Variants in UBASH3A observed in about 807,000 individuals in gnomAD.
UBASH3A encodes ubiquitin-associated and SH3 domain-containing protein A.
A neutral mutation model predicts 73.5 loss-of-function variants in UBASH3A; 63 were observed. The observed-to-expected ratio is 0.86, with a 90% CI of 0.70 to 1.06. The LOEUF (loss-of-function observed/expected upper bound fraction) is 1.06. Ranked by LOEUF, UBASH3A falls within the 50% of genes least tolerant of loss-of-function variation. The probability of loss-of-function intolerance (pLI) is 0.00; values close to 1 mark genes in which losing one functional copy is unlikely to be tolerated. For missense variants in UBASH3A, 860 were observed against 859.0 expected, an observed-to-expected ratio of 1.00 and a Z score of -0.02; for synonymous variants, 363 against 351.1, an observed-to-expected ratio of 1.03 and a Z score of -0.38.
intron 1 of UBASH3A, among the ~76,000 whole-genome samples, chr21:42,404,655 G>C (rs551716485): frequency 6.6e-6 from 1 of 152,184 alleles, no homozygotes; most frequent in African/African-American, 2.4e-5. Flanking sequence ...AAACTCTAAC[G>C]TGAAAGGCCC....
intron 6 of UBASH3A, among the ~76,000 whole-genome samples, chr21:42,418,002 G>C (rs540203549): frequency 1.4e-5 from 2 of 146,158 alleles, no homozygotes; most frequent in South Asian, 4.4e-4. Context: ...CCTGCCTCAA[G>C]CTTCCCAAGT....
rs558360287 is a variant in UBASH3A at position 42,418,974 on chromosome 21, A to G, written c.1046+365A>G. ...ATGTAAAGTCCTAGGTCGTATTATT[A>G]GTTTTCTATGACTGTATAATAAATT... is the stretch of plus-strand genomic sequence containing the variant. On this transcript the variant is annotated intron_variant, in intron 7 of 14. Transcript: ENST00000319294. Among the ~76,000 whole-genome samples, 11 of 152,306 alleles carry G rather than the reference A, an allele frequency of 7.2e-5. No homozygotes were observed. In the South Asian group the frequency reaches 2.3e-3, roughly 32 times the overall value.
At chr21:42,439,929 CACAT>C (rs759921480) in intron 11 of UBASH3A, among the ~76,000 whole-genome samples, 8 of 144,754 alleles carry the variant, frequency 5.5e-5, no homozygotes, top group African/African-American at 1.0e-4. Context: ...ACACACCACA[CACAT>C]ACACACACCA....
At position 42,442,500 on chromosome 21, in the gene UBASH3A, T is replaced by A; in HGVS notation, c.1535T>A (p.Phe512Tyr). ...KIKIRVEPGI[F>Y]EWTKWEAGKT... is the part of the protein sequence containing the mutation. The stretch of plus-strand genomic sequence containing the variant: ...AAGATACGAGTGGAACCTGGAATCT[T>A]TGAATGGACAAAATGGGAAGCTGGC... Residue 512 changes from phenylalanine (F) to tyrosine (Y), a missense_variant, in exon 12 of 15, where the codon TTT (phenylalanine) becomes TAT (tyrosine). Coordinates refer to ENST00000319294, the MANE Select transcript of UBASH3A (RefSeq NM_018961.4). 2 of 1,614,100 alleles carry A rather than the reference T, an allele frequency of 1.2e-6. No individual in the cohort carries two copies. The highest frequency in any genetic ancestry group is 2.2e-5 in the South Asian group (2 of 91,066).
At chr21:42,446,599 T>C (rs978618860) in intron 14 of UBASH3A, among the ~76,000 whole-genome samples, 2 of 152,258 alleles carry the variant, frequency 1.3e-5, no homozygotes, top group Non-Finnish European at 2.9e-5. Context: ...GATGAAGGGA[T>C]GGAGGTCTAA....
At chr21:42,431,104 C>G (rs2053520544) in intron 8 of UBASH3A, among the ~76,000 whole-genome samples, 1 of 152,168 alleles carries the variant, frequency 6.6e-6, no homozygotes, top group Non-Finnish European at 1.5e-5. Context: ...CTCTCTGGTC[C>G]CAGGGGGGGC....
chr21:42,420,120 A>G (rs1296582490), intron 7 of UBASH3A, among the ~76,000 whole-genome samples: 1 of 152,202 alleles, frequency 6.6e-6, no homozygotes, highest in African/African-American at 2.4e-5. Flanking sequence ...CATACAATAT[A>G]TAATACATAT....
At chr21:42,407,994 A>T (rs2053012937) in intron 2 of UBASH3A, among the ~76,000 whole-genome samples, 3 of 152,266 alleles carry the variant, frequency 2.0e-5, no homozygotes. Flanking sequence ...TGGTAGAGGA[A>T]AAATGCCAGT....
In UBASH3A at chr21:42,427,142, C is replaced by T. The variant is rs144929559; in HGVS notation, c.1170+322C>T. 2.7e-3 allele frequency among the ~76,000 whole-genome samples: 407 copies of T among 152,294 alleles called. 1 individual carries two copies. Among genetic ancestry groups the T allele is most frequent in the African/African-American group, 8.2e-3 (339 of 41,564 alleles). ...GAGGTCCCCAAGACGTCACCTGCCC[C>T]GGTGCCTTGGCCCCTCATCTTTTGA... On this transcript the variant is annotated intron_variant, in intron 8 of 14. Transcript: ENST00000319294.
intron 3 of UBASH3A, 126 bp from the exon 4 acceptor site, chr21:42,412,898 T>G: frequency 1.2e-6 from 1 of 847,220 alleles, no homozygotes; most frequent in East Asian, 2.4e-5. Context: ...ACGCAATAAA[T>G]TATGTTACAG....
At chr21:42,416,953 C>T (rs556922793) in intron 6 of UBASH3A, among the ~76,000 whole-genome samples, 1 of 151,664 alleles carries the variant, frequency 6.6e-6, no homozygotes, top group South Asian at 2.1e-4. Context: ...GATGAGTGAA[C>T]GGCCACTCAC....
intron 1 of UBASH3A, 38 bp from the exon 2 acceptor site, chr21:42,406,270 G>T: frequency 6.3e-7 from 1 of 1,594,182 alleles, no homozygotes; most frequent in Non-Finnish European, 8.6e-7. Context: ...CCCAAGAATG[G>T]GCGACGTGAC....
chr21:42,422,888 C>T (rs1414674143), intron 7 of UBASH3A, among the ~76,000 whole-genome samples: 1 of 152,130 alleles, frequency 6.6e-6, no homozygotes, highest in African/African-American at 2.4e-5. Context: ...TGTCTAGAAA[C>T]TTCTAACCAT....
At chr21:42,416,380 G>A (rs1424348669) in intron 5 of UBASH3A, 62 bp from the exon 6 acceptor site, 36 of 1,473,676 alleles carry the variant, frequency 2.4e-5, no homozygotes, top group South Asian at 2.2e-4. Flanking sequence ...CATGGAGGTC[G>A]GAGGAAGGAG....
chr21:42,407,265 C>T (rs1004879780), intron 2 of UBASH3A, among the ~76,000 whole-genome samples: 2 of 152,250 alleles, frequency 1.3e-5, no homozygotes, highest in South Asian at 4.2e-4. Flanking sequence ...AAAACCAGGT[C>T]CTGGGAGGCT....
intron 7 of UBASH3A, among the ~76,000 whole-genome samples, chr21:42,422,705 G>GA (rs2053360221): frequency 2.0e-5 from 3 of 152,200 alleles, no homozygotes; most frequent in South Asian, 4.1e-4. Context: ...ATATTGATTT[G>GA]AAAAAATATG....
chr21:42,437,300 A>G (rs534800251), intron 10 of UBASH3A, among the ~76,000 whole-genome samples, 188 bp from the exon 11 acceptor site: 1 of 152,370 alleles, frequency 6.6e-6, no homozygotes, highest in South Asian at 2.1e-4. Context: ...TAATTGTCCC[A>G]GGAGCAACAG....
chr21:42,423,345 C>G (rs1316751624), intron 7 of UBASH3A, among the ~76,000 whole-genome samples: 1 of 152,196 alleles, frequency 6.6e-6, no homozygotes, highest in East Asian at 1.9e-4. Flanking sequence ...TAGAGATAAC[C>G]GAAGGCAGCT....
At chr21:42,429,654 C>T (rs1464914812) in intron 8 of UBASH3A, among the ~76,000 whole-genome samples, 4 of 152,054 alleles carry the variant, frequency 2.6e-5, no homozygotes, top group Admixed American at 6.6e-5. Context: ...GGGATAGGGG[C>T]GGTGGGTGCT....
Sources: gnomAD v4.1 joint callset for allele counts (sites outside exome capture counted in the v4.1 genomes callset) on GRCh38, gnomAD v4.1.1 for gene constraint, MANE v1.5 for transcripts, NCBI Gene and HGNC (gene_info 2026-07-23, HGNC 2026-07-21) for gene names.